The following MICU1 variants were observed in gnomAD, a reference collection of about 807,000 sequenced individuals.
MICU1 encodes calcium uptake protein 1, mitochondrial.
Under a neutral mutation model 56.8 loss-of-function variants are expected in MICU1, and 45 were observed. That is an observed-to-expected ratio of 0.79 (90% CI 0.62 to 1.02). MICU1 has a LOEUF of 1.02. Ranked by LOEUF, MICU1 falls within the 50% of genes least tolerant of loss-of-function variation. The pLI is 0.00. For synonymous variants in MICU1, 186 were observed against 195.1 expected (o/e 0.95, Z 0.39); for missense variants, 504 against 587.1 (o/e 0.86, Z 1.46).
chr10:72,379,060 G>C (rs1158775003), intron 10 of MICU1, among the ~76,000 whole-genome samples: 1 of 152,174 alleles, frequency 6.6e-6, no homozygotes, highest in African/African-American at 2.4e-5. Context: ...TAGCGCTCTA[G>C]AGTTTAGAAA....
At chr10:72,546,162 T>C (rs544142374) in intron 4 of MICU1, among the ~76,000 whole-genome samples, 49 of 152,324 alleles carry the variant, frequency 3.2e-4, no homozygotes, top group African/African-American at 1.1e-3. Context: ...ACTTCACTTA[T>C]ACCATTTTTT....
chr10:72,412,681 G>A (rs889851399), intron 9 of MICU1, among the ~76,000 whole-genome samples: 17 of 151,042 alleles, frequency 1.1e-4, no homozygotes, highest in Non-Finnish European at 2.4e-4. Flanking sequence ...GTGAAACCCC[G>A]TCTCTACTAA....
At chr10:72,368,392 G>C (rs1381092189) in intron 11 of MICU1, 37 bp from the exon 12 acceptor site, 7 of 1,599,064 alleles carry the variant, frequency 4.4e-6, no homozygotes, top group Non-Finnish European at 6.0e-6. Flanking sequence ...GATAAGTGTT[G>C]GCCTTGGAAC....
At chr10:72,504,484 GA>G (rs1867179713) in intron 6 of MICU1, among the ~76,000 whole-genome samples, 2 of 152,202 alleles carry the variant, frequency 1.3e-5, no homozygotes, top group South Asian at 4.2e-4. Context: ...ACTCAAGATG[GA>G]TTAAAGATTG....
intron 8 of MICU1, among the ~76,000 whole-genome samples, chr10:72,461,765 C>T (rs1337805529): frequency 6.6e-6 from 1 of 152,190 alleles, no homozygotes; most frequent in Admixed American, 6.5e-5. Flanking sequence ...GCCTGGCCAC[C>T]ATGGTGAAAC....
At chr10:72,382,063 T>C (rs931547284) in intron 10 of MICU1, among the ~76,000 whole-genome samples, 1 of 150,342 alleles carries the variant, frequency 6.7e-6, no homozygotes, top group African/African-American at 2.4e-5. Context: ...TACACACATA[T>C]GGGAAATAAT....
At chr10:72,480,788 T>G (rs898746332) in intron 6 of MICU1, among the ~76,000 whole-genome samples, 5 of 152,238 alleles carry the variant, frequency 3.3e-5, no homozygotes, top group South Asian at 2.1e-4. Flanking sequence ...GTAGTCTTAC[T>G]GTCTTGTGAG....
At chr10:72,562,436 G>A (rs970368184) in intron 3 of MICU1, among the ~76,000 whole-genome samples, 22 of 152,246 alleles carry the variant, frequency 1.4e-4, no homozygotes, top group African/African-American at 5.1e-4. Flanking sequence ...TTATAGGCAT[G>A]AGCCACCATG....
At chr10:72,539,458 A>G (rs1434742852) in intron 4 of MICU1, among the ~76,000 whole-genome samples, 1 of 152,236 alleles carries the variant, frequency 6.6e-6, no homozygotes, top group Non-Finnish European at 1.5e-5. Flanking sequence ...CTTTACAAAG[A>G]TGTGGAAATC....
At position 72,620,746 on chromosome 10, in the gene MICU1, ACCTCTCCC is replaced by A. The variant is rs1480581727; in HGVS notation, c.-2+5256_-2+5263del. On this transcript the variant is annotated intron_variant, in intron 1 of 11. Transcript: ENST00000361114. ...CTTGCCTCATAAACAGAACTAAAAC[ACCTCTCCC>A]ACGATGTGGCAATATTTAACTTTTC... Among the ~76,000 whole-genome samples the A allele has an allele frequency of 4.8e-3, 725 of 152,144 alleles. 4 individuals carry two copies. The highest frequency in any genetic ancestry group is 0.017 in the African/African-American group (697 of 41,508).
intron 10 of MICU1, among the ~76,000 whole-genome samples, chr10:72,395,121 G>T (rs1863204807): frequency 6.6e-6 from 1 of 152,162 alleles, no homozygotes; most frequent in Non-Finnish European, 1.5e-5. Flanking sequence ...GGTGCTTGCA[G>T]TGAGCCAAGA....
At chr10:72,494,602 T>G (rs1439030660) in intron 6 of MICU1, among the ~76,000 whole-genome samples, 1 of 151,912 alleles carries the variant, frequency 6.6e-6, no homozygotes, top group Admixed American at 6.6e-5. Context: ...GTGATCTACT[T>G]AATGGCAATC....
intron 10 of MICU1, among the ~76,000 whole-genome samples, chr10:72,377,838 C>T (rs1423251263): frequency 6.6e-6 from 1 of 152,156 alleles, no homozygotes; most frequent in East Asian, 1.9e-4. Flanking sequence ...AATTTCAGTT[C>T]CTATTATCAG....
intron 8 of MICU1, among the ~76,000 whole-genome samples, chr10:72,474,078 G>GA (rs1866030828): frequency 6.6e-6 from 1 of 151,788 alleles, no homozygotes; most frequent in Admixed American, 6.6e-5. Context: ...CCAACATGGT[G>GA]AAACTGCGTC....
intron 6 of MICU1, among the ~76,000 whole-genome samples, chr10:72,498,691 G>C (rs751901524): frequency 6.6e-6 from 1 of 152,090 alleles, no homozygotes; most frequent in Non-Finnish European, 1.5e-5. Context: ...GAGAACCAAG[G>C]GCAAACCTCC....
chr10:72,472,811 T>G (rs899050028), intron 8 of MICU1, among the ~76,000 whole-genome samples: 1 of 152,116 alleles, frequency 6.6e-6, no homozygotes, highest in Non-Finnish European at 1.5e-5. Context: ...CACAAAAACA[T>G]CAGCATGGCT....
intron 4 of MICU1, among the ~76,000 whole-genome samples, chr10:72,540,663 G>C (rs1289646536): frequency 3.3e-5 from 5 of 152,108 alleles, no homozygotes; most frequent in Non-Finnish European, 5.9e-5. Flanking sequence ...AACAGAGCAA[G>C]ACCCTGTCTC....
intron 1 of MICU1, among the ~76,000 whole-genome samples, chr10:72,613,884 C>T (rs1473592180): frequency 1.3e-5 from 2 of 152,134 alleles, no homozygotes; most frequent in Non-Finnish European, 2.9e-5. Flanking sequence ...GTGGCTCACA[C>T]CTGTAATCCC....
At chr10:72,493,344 T>C (rs1227406293) in intron 6 of MICU1, among the ~76,000 whole-genome samples, 2 of 152,216 alleles carry the variant, frequency 1.3e-5, no homozygotes, top group African/African-American at 4.8e-5. Flanking sequence ...TTAAGAACTA[T>C]ATAAAATGTC....
Sources: gnomAD v4.1 joint callset for allele counts (sites outside exome capture counted in the v4.1 genomes callset) on GRCh38, gnomAD v4.1.1 for gene constraint, MANE v1.5 for transcripts, NCBI Gene and HGNC (gene_info 2026-07-23, HGNC 2026-07-21) for gene names.